Variants in STX6 observed in about 807,000 individuals in gnomAD.
The protein encoded by STX6 is syntaxin-6.
STX6 carries 23 observed loss-of-function variants against 38.0 expected under a neutral mutation model. The observed-to-expected ratio is 0.60, with a 90% confidence interval of 0.43 to 0.86. STX6 has a LOEUF of 0.86. Among genes scored for constraint, STX6 ranks in the 40% least tolerant of loss-of-function variants. STX6 has a pLI of 0.00. For synonymous variants in STX6, 123 were observed against 107.5 expected, an observed-to-expected ratio of 1.14 and a Z score of -0.89; for missense variants, 274 against 312.9, an observed-to-expected ratio of 0.88 and a Z score of 0.94.
In STX6 at chr1:181,020,292, T is replaced by C. The variant is rs549132018; in HGVS notation, c.35+2347A>G. Reference sequence around the variant, plus strand: ...TGAAAATTTAATGTCCAAATTTAAATGTGCAGTAAGTGTAAAATATGTATC... The same window carrying C: ...TGAAAATTTAATGTCCAAATTTAAACGTGCAGTAAGTGTAAAATATGTATC... On this transcript the variant is annotated intron_variant, in intron 1 of 7. Coordinates refer to ENST00000258301, the MANE Select transcript of STX6 (RefSeq NM_005819.6). Among the ~76,000 whole-genome samples the C allele has an allele frequency of 3.3e-5, 5 of 152,356 alleles. No homozygotes were observed. In the South Asian group the frequency reaches 1.0e-3, roughly 32 times the overall value.
chr1:181,014,124 G>GT (rs1463854255), intron 1 of STX6, among the ~76,000 whole-genome samples: 1 of 152,194 alleles, frequency 6.6e-6, no homozygotes, highest in African/African-American at 2.4e-5. Flanking sequence ...ACAGCCGGGC[G>GT]TGGTGGCTCA....
intron 1 of STX6, among the ~76,000 whole-genome samples, chr1:181,009,390 T>A (rs112222699): frequency 0.014 from 2,034 of 149,502 alleles, 53 homozygotes; most frequent in African/African-American, 0.048. Context: ...AATCACTTGA[T>A]CCTGGGAGGC....
rs911133722 is a variant in STX6 at position 180,974,499 on chromosome 1, C to T, written c.*2071G>A. 3.3e-5 allele frequency: 5 copies of T among 152,630 alleles called. No individual in the cohort carries two copies. Among genetic ancestry groups the T allele is most frequent in the South Asian group, 4.1e-4 (2 of 4,834 alleles). The allele number at this position is 152,630 out of a possible 1,614,324, so 9.5% of individuals were successfully genotyped here. ...CATTAATGACTAGGTTTGTTCCAAA[C>T]GGCCCCTGCTGACACACATGATCCT... is the stretch of plus-strand genomic sequence containing the variant. On this transcript the variant is annotated 3_prime_UTR_variant, in exon 8 of 8. Coordinates refer to ENST00000258301, the MANE Select transcript of STX6 (RefSeq NM_005819.6).
intron 1 of STX6, 77 bp from the exon 2 acceptor site, chr1:181,005,540 C>T (rs1571345961): frequency 2.1e-6 from 3 of 1,398,604 alleles, no homozygotes; most frequent in Non-Finnish European, 2.9e-6. Context: ...TTTAGGTTAA[C>T]ATTTATGATC....
chr1:181,017,895 C>T (rs536734722), intron 1 of STX6, among the ~76,000 whole-genome samples: 2 of 152,076 alleles, frequency 1.3e-5, no homozygotes, highest in African/African-American at 4.8e-5. Flanking sequence ...AGCAATTATG[C>T]TCCAGGAATA....
chr1:180,976,370 A>G lies in STX6; in HGVS notation c.*200T>C. 1 of 569,568 alleles carries G rather than the reference A, an allele frequency of 1.8e-6. No individual in the cohort carries two copies. Among genetic ancestry groups the G allele is most frequent in the Non-Finnish European group, 3.2e-6 (1 of 315,150 alleles). The allele number at this position is 569,568 out of a possible 1,614,324, so 35.3% of individuals were successfully genotyped here. A position where few individuals can be genotyped will look rare whatever the true frequency, so the allele number is the denominator to read the frequency against. On this transcript the variant is annotated 3_prime_UTR_variant, in exon 8 of 8. Coordinates refer to ENST00000258301, the MANE Select transcript of STX6 (RefSeq NM_005819.6). ...TCCAGCTGCAGCCAGGAGTGCAGACATCTATTTCCTCTTCCCACTGGCCCT... is the reference window on the plus strand; with the variant it reads ...TCCAGCTGCAGCCAGGAGTGCAGACGTCTATTTCCTCTTCCCACTGGCCCT...
intron 1 of STX6, among the ~76,000 whole-genome samples, chr1:181,005,850 A>G (rs370846230): frequency 6.6e-6 from 1 of 152,228 alleles, no homozygotes; most frequent in Non-Finnish European, 1.5e-5. Context: ...TACTCAGATG[A>G]TAAGTCCTAA....
At chr1:181,008,949 A>G (rs986931416) in intron 1 of STX6, among the ~76,000 whole-genome samples, 2 of 151,854 alleles carry the variant, frequency 1.3e-5, no homozygotes, top group African/African-American at 2.4e-5. Flanking sequence ...GGGCGGGGGG[A>G]AAACAGCTAT....
intron 3 of STX6, among the ~76,000 whole-genome samples, chr1:180,996,428 G>A (rs1655917160): frequency 6.6e-6 from 1 of 151,982 alleles, no homozygotes. Context: ...TAACCCACTG[G>A]TAATCAAAGA....
chr1:180,977,809 G>A (rs1414886054), intron 7 of STX6, among the ~76,000 whole-genome samples: 1 of 152,110 alleles, frequency 6.6e-6, no homozygotes, highest in Non-Finnish European at 1.5e-5. Flanking sequence ...CTCTCCACAA[G>A]GCAAAACATG....
intron 1 of STX6, among the ~76,000 whole-genome samples, chr1:181,005,927 T>C (rs928303589): frequency 1.3e-5 from 2 of 152,218 alleles, no homozygotes; most frequent in African/African-American, 2.4e-5. Context: ...CTTACATAGC[T>C]ACCATTTTAT....
At chr1:181,007,141 C>T (rs1478087014) in intron 1 of STX6, among the ~76,000 whole-genome samples, 1 of 152,122 alleles carries the variant, frequency 6.6e-6, no homozygotes, top group African/African-American at 2.4e-5. Flanking sequence ...GGGATTGGTT[C>T]CAGGACCTCC....
chr1:180,990,750 G>A (rs897855404), intron 4 of STX6, among the ~76,000 whole-genome samples: 5 of 152,136 alleles, frequency 3.3e-5, no homozygotes, highest in East Asian at 1.9e-4. Flanking sequence ...CCTGGCAACC[G>A]AGGCAAGGGC....
chr1:180,988,539 T>C, intron 5 of STX6, 194 bp from the exon 6 acceptor site: 1 of 516,318 alleles, frequency 1.9e-6, no homozygotes, highest in Non-Finnish European at 3.5e-6. Context: ...AAGCTACTGA[T>C]ATCTCCTGCT....
Position 180,972,931 on chromosome 1 carries a change from G to C in STX6, c.*3639C>G, listed in dbSNP as rs1655160191. The C allele has an allele frequency of 3.9e-6, 1 of 255,664 alleles. No homozygotes were observed. The highest frequency in any genetic ancestry group is 2.3e-5 in the African/African-American group (1 of 43,768). 15.8% of individuals were successfully genotyped at this position (255,664 alleles called of 1,614,324 possible). On this transcript the variant is annotated 3_prime_UTR_variant, in exon 8 of 8. Coordinates refer to ENST00000258301, the MANE Select transcript of STX6 (RefSeq NM_005819.6). The stretch of plus-strand genomic sequence containing the variant: ...AGACCACCCCCTATTAGAAGCAAAG[G>C]CCCTGGGAGGAGTAAGGCCTGTCAC...
At chr1:181,017,230 CA>C (rs544259317) in intron 1 of STX6, among the ~76,000 whole-genome samples, 227 of 137,592 alleles carry the variant, frequency 1.6e-3, no homozygotes, top group Non-Finnish European at 1.4e-3. Context: ...ACTGAAAATA[CA>C]AAAAAAAAAA....
At chr1:180,998,578 A>C (rs1655983934) in intron 3 of STX6, among the ~76,000 whole-genome samples, 1 of 151,778 alleles carries the variant, frequency 6.6e-6, no homozygotes, top group Non-Finnish European at 1.5e-5. Context: ...ACAGAGTTTC[A>C]CCATGTTGGC....
At chr1:180,983,732 A>C (rs1242643967) in intron 7 of STX6, among the ~76,000 whole-genome samples, 2 of 152,286 alleles carry the variant, frequency 1.3e-5, no homozygotes, top group East Asian at 1.9e-4. Flanking sequence ...ATCTTAAAAA[A>C]CCAGTAAAAT....
At chr1:181,002,000 G>T (rs192715706) in intron 3 of STX6, among the ~76,000 whole-genome samples, 17 of 152,230 alleles carry the variant, frequency 1.1e-4, no homozygotes, top group African/African-American at 3.9e-4. Context: ...GCAACATGGT[G>T]AACCCTGTCT....
Sources: gnomAD v4.1 joint callset for allele counts (sites outside exome capture counted in the v4.1 genomes callset) on GRCh38, gnomAD v4.1.1 for gene constraint, MANE v1.5 for transcripts, NCBI Gene and HGNC (gene_info 2026-07-23, HGNC 2026-07-21) for gene names.